Variants in RBFOX1 observed in about 807,000 individuals in gnomAD.
RBFOX1 encodes RNA binding protein fox-1 homolog 1.
A neutral mutation model predicts 57.7 loss-of-function variants in RBFOX1; 8 were observed. The ratio of observed to expected loss-of-function variants is 0.14; its 90% confidence interval spans 0.08 to 0.25. The LOEUF (loss-of-function observed/expected upper bound fraction) is 0.25, where lower values mean the gene tolerates loss of function less well. RBFOX1 is among the 10% of genes least tolerant of loss of function. The pLI is 1.00. For missense variants in RBFOX1, 611 were observed against 548.5 expected (o/e 1.11, Z -1.14); for synonymous variants, 326 against 222.4 (o/e 1.47, Z -4.15).
At chr16:5,352,550 C>A (rs2065285369) in intron 1 of RBFOX1, among the ~76,000 whole-genome samples, 1 of 152,186 alleles carries the variant, frequency 6.6e-6, no homozygotes, top group South Asian at 2.1e-4. Flanking sequence ...GCAGACATTA[C>A]ATTTCACCCT....
chr16:7,621,354 G>A (rs1295561645), intron 10 of RBFOX1, among the ~76,000 whole-genome samples: 1 of 151,922 alleles, frequency 6.6e-6, no homozygotes, highest in Non-Finnish European at 1.5e-5. Context: ...TCTGCCTCGC[G>A]GGTTCAAGCA....
chr16:5,321,539 C>G (rs540646684), intron 1 of RBFOX1, among the ~76,000 whole-genome samples: 88 of 152,234 alleles, frequency 5.8e-4, no homozygotes, highest in Non-Finnish European at 1.0e-3. Context: ...CCAGGATGGT[C>G]TCGATCTCCT....
At chr16:6,470,083 C>T (rs2153078850) in intron 2 of RBFOX1, among the ~76,000 whole-genome samples, 1 of 152,252 alleles carries the variant, frequency 6.6e-6, no homozygotes, top group South Asian at 2.1e-4. Flanking sequence ...TTTCTTTAAC[C>T]AGAATGCTTT....
chr16:6,402,806 C>A (rs1264427078), intron 2 of RBFOX1, among the ~76,000 whole-genome samples: 1 of 152,044 alleles, frequency 6.6e-6, no homozygotes, highest in Non-Finnish European at 1.5e-5. Context: ...AGACTGTAGC[C>A]AGTTGTGCCT....
At chr16:7,001,698 C>T (rs765848174) in intron 3 of RBFOX1, among the ~76,000 whole-genome samples, 1 of 152,096 alleles carries the variant, frequency 6.6e-6, no homozygotes, top group African/African-American at 2.4e-5. Context: ...CTGAAGTGAT[C>T]CATCCTCCTT....
At chr16:6,851,218 T>G (rs965099628) in intron 3 of RBFOX1, among the ~76,000 whole-genome samples, 1 of 152,176 alleles carries the variant, frequency 6.6e-6, no homozygotes, top group Non-Finnish European at 1.5e-5. Flanking sequence ...TATGTAGCAT[T>G]CTTGAGTTTA....
chr16:6,318,153 T>A (rs1478999794), intron 2 of RBFOX1, among the ~76,000 whole-genome samples: 1 of 147,902 alleles, frequency 6.8e-6, no homozygotes, highest in African/African-American at 2.4e-5. Context: ...ACTAAAAAGA[T>A]GGTGTATTAG....
intron 1 of RBFOX1, chr16:6,038,531 G>GATATATATATATATATATATCATCCAT (rs1312206714): frequency 3.0e-5 from 4 of 133,960 alleles, no homozygotes; most frequent in Non-Finnish European, 4.7e-5. Flanking sequence ...TATCCGTGGA[G>GATATATATATATATATATATCATCCAT]ATATATATAT....
chr16:6,212,487 C>G (rs1221562127), intron 1 of RBFOX1, among the ~76,000 whole-genome samples: 1 of 152,160 alleles, frequency 6.6e-6, no homozygotes, highest in Non-Finnish European at 1.5e-5. Flanking sequence ...GGGCAGATCA[C>G]TTGAGGTCAG....
At chr16:6,557,986 G>GGATA (rs1378816687) in intron 2 of RBFOX1, among the ~76,000 whole-genome samples, 2 of 151,960 alleles carry the variant, frequency 1.3e-5, no homozygotes, top group East Asian at 3.9e-4. Flanking sequence ...TTTGCTCATG[G>GGATA]GATACATTGC....
At chr16:6,106,626 T>C (rs2096382998) in intron 1 of RBFOX1, among the ~76,000 whole-genome samples, 1 of 152,168 alleles carries the variant, frequency 6.6e-6, no homozygotes, top group South Asian at 2.1e-4. Flanking sequence ...ATGGTCCATC[T>C]CTTATGGAAG....
intron 4 of RBFOX1, among the ~76,000 whole-genome samples, chr16:7,096,441 G>A (rs901099703): frequency 1.3e-5 from 2 of 152,164 alleles, no homozygotes; most frequent in African/African-American, 4.8e-5. Flanking sequence ...TGGCTGACAT[G>A]CCACTGTTAA....
At chr16:7,690,851 G>A (rs934180825) in intron 14 of RBFOX1, among the ~76,000 whole-genome samples, 6 of 152,018 alleles carry the variant, frequency 3.9e-5, no homozygotes, top group Non-Finnish European at 8.8e-5. Flanking sequence ...GGCATAACAT[G>A]GTGAATATAG....
intron 3 of RBFOX1, among the ~76,000 whole-genome samples, chr16:7,033,746 C>T (rs1234605554): frequency 6.6e-6 from 1 of 152,138 alleles, no homozygotes; most frequent in Non-Finnish European, 1.5e-5. Flanking sequence ...GTAATCCCAG[C>T]ACTTTGGGAG....
At chr16:6,091,050 G>T (rs1195504572) in intron 1 of RBFOX1, among the ~76,000 whole-genome samples, 2 of 152,180 alleles carry the variant, frequency 1.3e-5, no homozygotes, top group Admixed American at 6.5e-5. Context: ...AATTCTTTCT[G>T]TTGGCAACTT....
At chr16:7,074,092 C>T (rs895659599) in intron 4 of RBFOX1, among the ~76,000 whole-genome samples, 2 of 152,130 alleles carry the variant, frequency 1.3e-5, no homozygotes, top group Admixed American at 1.3e-4. Flanking sequence ...CCCACAGAGC[C>T]TACAATATTT....
In RBFOX1 at chr16:7,126,500, G is replaced by A. The variant is rs376141121; in HGVS notation, c.27+74402G>A. ...CTTCAGAAACATCCCTGACTGCTGT[G>A]GCCTCTACTATGTTTTGAATACAAA... On this transcript the variant is annotated intron_variant, in intron 4 of 15. Transcript: ENST00000550418. 2.8e-4 allele frequency: 64 copies of A among 226,164 alleles called. 1 individual carries two copies. The South Asian group carries it at 4.7e-3, about 16-fold the overall frequency. 14.0% of individuals were successfully genotyped at this position (226,164 alleles called of 1,614,324 possible).
chr16:6,312,681 CTT>C (rs1187082970), intron 1 of RBFOX1, among the ~76,000 whole-genome samples: 16 of 148,154 alleles, frequency 1.1e-4, no homozygotes, highest in African/African-American at 3.5e-4. Context: ...TCCTTCCTTC[CTT>C]CCTTCCTTCC....
intron 3 of RBFOX1, among the ~76,000 whole-genome samples, chr16:6,684,731 C>T (rs925120024): frequency 1.3e-5 from 2 of 152,128 alleles, no homozygotes; most frequent in Non-Finnish European, 2.9e-5. Context: ...GGGCCTAGCC[C>T]CCTGTCGTGA....
Sources: gnomAD v4.1 joint callset for allele counts (sites outside exome capture counted in the v4.1 genomes callset) on GRCh38, gnomAD v4.1.1 for gene constraint, MANE v1.5 for transcripts, NCBI Gene and HGNC (gene_info 2026-07-23, HGNC 2026-07-21) for gene names.